FOCAD: variants seen among roughly 807,000 people sequenced by gnomAD.
FOCAD encodes the protein focadhesin, also known as KIAA1797.
FOCAD carries 198 observed loss-of-function variants against 225.6 expected under a neutral mutation model. The ratio of observed to expected loss-of-function variants is 0.88; its 90% confidence interval spans 0.78 to 0.99. FOCAD has a LOEUF of 0.99. Among genes scored for constraint, FOCAD ranks in the 50% least tolerant of loss-of-function variants. FOCAD has a pLI of 0.00. For synonymous variants in FOCAD, 897 were observed against 755.0 expected (o/e 1.19, Z -3.08); for missense variants, 2,713 against 2,123.6 (o/e 1.28, Z -5.46).
At chr9:20,721,607 C>T (rs1218655352) in intron 4 of FOCAD, among the ~76,000 whole-genome samples, 6 of 152,016 alleles carry the variant, frequency 3.9e-5, no homozygotes, top group South Asian at 2.1e-4. Context: ...GAGACTAAGG[C>T]GTGAGAATCA....
intron 6 of FOCAD, among the ~76,000 whole-genome samples, chr9:20,762,176 G>A (rs1483055578): frequency 6.6e-6 from 1 of 152,114 alleles, no homozygotes; most frequent in African/African-American, 2.4e-5. Context: ...TTATTCTTTG[G>A]GGAATACATT....
At chr9:20,935,339 A>G (rs943294408) in intron 28 of FOCAD, among the ~76,000 whole-genome samples, 2 of 152,222 alleles carry the variant, frequency 1.3e-5, no homozygotes, top group Non-Finnish European at 2.9e-5. Flanking sequence ...TACGTTTATC[A>G]TACAAGGCAC....
chr9:20,989,383 G>C (rs917738674), intron 41 of FOCAD, among the ~76,000 whole-genome samples: 5 of 152,152 alleles, frequency 3.3e-5, no homozygotes, highest in Admixed American at 2.0e-4. Context: ...TTAAAACACT[G>C]AGAAAATACA....
chr9:20,984,439 G>T (rs1840975054), intron 39 of FOCAD, among the ~76,000 whole-genome samples: 1 of 152,072 alleles, frequency 6.6e-6, no homozygotes, highest in African/African-American at 2.4e-5. Flanking sequence ...TTCCTTATTA[G>T]AAATTTAAAG....
intron 15 of FOCAD, among the ~76,000 whole-genome samples, chr9:20,854,624 G>T (rs2131639784): frequency 6.6e-6 from 1 of 151,802 alleles, no homozygotes; most frequent in Non-Finnish European, 1.5e-5. Context: ...TGGGAAATTG[G>T]TAAGATTCTT....
At chr9:20,961,114 G>T (rs143650368) in intron 35 of FOCAD, among the ~76,000 whole-genome samples, 1 of 151,512 alleles carries the variant, frequency 6.6e-6, no homozygotes, top group East Asian at 1.9e-4. Context: ...TTTATTAGGC[G>T]TTCTGCTGTA....
intron 12 of FOCAD, 100 bp from the exon 13 acceptor site, chr9:20,820,224 A>G: frequency 1.3e-6 from 1 of 788,290 alleles, no homozygotes; most frequent in South Asian, 1.9e-5. Flanking sequence ...CTTTCTTCTC[A>G]GTCTTCATTT....
chr9:20,711,369 G>A (rs1216171414), intron 1 of FOCAD, among the ~76,000 whole-genome samples: 1 of 152,194 alleles, frequency 6.6e-6, no homozygotes, highest in Admixed American at 6.5e-5. Context: ...AGGCATAAAA[G>A]CTAGGCATCA....
chr9:20,927,465 T>G (rs778547339), intron 26 of FOCAD, among the ~76,000 whole-genome samples: 2 of 152,110 alleles, frequency 1.3e-5, no homozygotes, highest in African/African-American at 4.8e-5. Context: ...AATAATATAC[T>G]TTATGTAAAA....
At chr9:20,778,793 G>A (rs372420546) in intron 9 of FOCAD, 25 bp downstream of exon 9, 67 of 1,319,928 alleles carry the variant, frequency 5.1e-5, no homozygotes, top group Middle Eastern at 3.6e-4. Context: ...AGTCACTAGA[G>A]TAAAATGTAA....
intron 3 of FOCAD, 35 bp from the exon 4 acceptor site, chr9:20,720,345 T>G: frequency 6.2e-7 from 1 of 1,608,278 alleles, no homozygotes; most frequent in South Asian, 1.1e-5. Flanking sequence ...TTGCTGCTCA[T>G]CAGAATTGTC....
intron 2 of FOCAD, among the ~76,000 whole-genome samples, chr9:20,666,311 C>T (rs1821898745): frequency 1.3e-5 from 2 of 152,100 alleles, no homozygotes; most frequent in African/African-American, 4.8e-5. Flanking sequence ...GTGTCTTGCC[C>T]TGTAATCCCA....
At position 20,781,864 on chromosome 9, in the gene FOCAD, C is replaced by A; in HGVS notation, c.1132C>A (p.Gln378Lys). ...ISVDEEGPSRQQLALNLLEMI... is the reference protein window; with the variant it reads ...ISVDEEGPSRKQLALNLLEMI... ...TGTGGATGAAGAAGGTCCCTCTAGG[C>A]AGCAGTTGGCTCTAAACCTTTTGGA... Residue 378 changes from glutamine to lysine, a missense_variant, in exon 10 of 44, where the codon CAG (glutamine) becomes AAG (lysine). Coordinates refer to ENST00000338382, the MANE Select transcript of FOCAD (RefSeq NM_001375567.1). 6.2e-7 allele frequency: 1 copy of A among 1,614,120 alleles called. No homozygotes were observed. The highest frequency in any genetic ancestry group is 8.5e-7 in the Non-Finnish European group (1 of 1,179,986).
At chr9:20,716,071 C>G (rs1374139055) in intron 2 of FOCAD, 1 of 443,040 alleles carries the variant, frequency 2.3e-6, no homozygotes, top group Admixed American at 2.0e-5. Context: ...TGGATACTTT[C>G]AACAATTAAC....
chr9:20,815,775 C>T (rs1172231147), intron 11 of FOCAD, among the ~76,000 whole-genome samples: 3 of 152,182 alleles, frequency 2.0e-5, no homozygotes, highest in Middle Eastern at 3.4e-3. Flanking sequence ...GAAATCTGAG[C>T]ATTCATTGTA....
intron 22 of FOCAD, among the ~76,000 whole-genome samples, chr9:20,910,804 T>C (rs1262131332): frequency 6.6e-6 from 1 of 151,806 alleles, no homozygotes; most frequent in South Asian, 2.1e-4. Context: ...CCAACATAGA[T>C]TGGGTGGCAG....
At chr9:20,707,567 A>G (rs999242215) in intron 1 of FOCAD, among the ~76,000 whole-genome samples, 1 of 152,198 alleles carries the variant, frequency 6.6e-6, no homozygotes, top group Non-Finnish European at 1.5e-5. Context: ...GTGTTCTTAC[A>G]ACAAAGAAAG....
intron 21 of FOCAD, among the ~76,000 whole-genome samples, chr9:20,899,029 C>T (rs1564127711): frequency 2.0e-5 from 3 of 151,868 alleles, no homozygotes; most frequent in Admixed American, 2.0e-4. Context: ...TCCCTTCACC[C>T]ACTTAGAAGG....
At chr9:20,703,796 G>C (rs565215888) in intron 1 of FOCAD, among the ~76,000 whole-genome samples, 1 of 152,166 alleles carries the variant, frequency 6.6e-6, no homozygotes, top group Non-Finnish European at 1.5e-5. Flanking sequence ...TGCCTGCTAT[G>C]TGCAAGACTC....
Sources: gnomAD v4.1 joint callset for allele counts (sites outside exome capture counted in the v4.1 genomes callset) on GRCh38, gnomAD v4.1.1 for gene constraint, MANE v1.5 for transcripts, NCBI Gene and HGNC (gene_info 2026-07-23, HGNC 2026-07-21) for gene names.